The following UBE2R2 variants were observed in gnomAD, a reference collection of about 807,000 sequenced individuals.
UBE2R2 encodes ubiquitin conjugating enzyme E2 R2, also known as ubiquitin-conjugating enzyme E2 R2.
Under a neutral mutation model 27.8 loss-of-function variants are expected in UBE2R2, and 1 was observed. That is an observed-to-expected ratio of 0.04 (90% CI 0.01 to 0.17). The LOEUF (loss-of-function observed/expected upper bound fraction) is 0.17, where lower values mean the gene tolerates loss of function less well. UBE2R2 is among the 10% of genes least tolerant of loss of function. The pLI is 1.00. For synonymous variants in UBE2R2, 106 were observed against 113.3 expected (o/e 0.94, Z 0.41); for missense variants, 100 against 291.0 (o/e 0.34, Z 4.78).
chr9:33,876,699 A>G (rs1385252682), intron 1 of UBE2R2, among the ~76,000 whole-genome samples: 1 of 152,140 alleles, frequency 6.6e-6, no homozygotes, highest in African/African-American at 2.4e-5. Flanking sequence ...GCGGATCACG[A>G]GGTCAGGAGA....
At chr9:33,863,059 G>C (rs990180394) in intron 1 of UBE2R2, among the ~76,000 whole-genome samples, 1 of 151,804 alleles carries the variant, frequency 6.6e-6, no homozygotes, top group African/African-American at 2.4e-5. Flanking sequence ...ATGGTGGCAC[G>C]CACCTGTAAT....
chr9:33,907,013 G>A (rs946788941), intron 3 of UBE2R2, among the ~76,000 whole-genome samples: 6 of 152,170 alleles, frequency 3.9e-5, no homozygotes, highest in African/African-American at 1.4e-4. Flanking sequence ...CCTGGGGGCC[G>A]GGTGAGACCC....
At chr9:33,838,991 A>G (rs1431246635) in intron 1 of UBE2R2, among the ~76,000 whole-genome samples, 1 of 151,414 alleles carries the variant, frequency 6.6e-6, no homozygotes, top group Non-Finnish European at 1.5e-5. Context: ...ATAAGGCAGG[A>G]GAATTGCTTG....
chr9:33,860,424 G>A (rs981736231), intron 1 of UBE2R2, among the ~76,000 whole-genome samples: 1 of 152,172 alleles, frequency 6.6e-6, no homozygotes, highest in Admixed American at 6.5e-5. Flanking sequence ...CTTTGGCTGT[G>A]TAAAAACATT....
At chr9:33,872,120 C>G (rs1480298744) in intron 1 of UBE2R2, among the ~76,000 whole-genome samples, 1 of 151,596 alleles carries the variant, frequency 6.6e-6, no homozygotes, top group African/African-American at 2.4e-5. Flanking sequence ...GGCATGGTGG[C>G]TCAAGCTGGG....
At chr9:33,877,465 A>T (rs1363708855) in intron 1 of UBE2R2, among the ~76,000 whole-genome samples, 1 of 152,084 alleles carries the variant, frequency 6.6e-6, no homozygotes, top group East Asian at 1.9e-4. Flanking sequence ...TACAAGCGTG[A>T]TGAAGGTAGT....
rs764160673 is a variant in UBE2R2 at position 33,817,742 on chromosome 9, C to A, written c.-16C>A. 1.5e-5 allele frequency: 23 copies of A among 1,511,274 alleles called. No individual in the cohort carries two copies. The highest frequency in any genetic ancestry group is 2.0e-5 in the Non-Finnish European group (23 of 1,130,202). 93.6% of individuals were successfully genotyped at this position (1,511,274 alleles called of 1,614,324 possible). ...TGGGGCCCGGGCCCGGCGCCGCCGC[C>A]GCCGCCGCCGCCGCGATGGCCCAGC... On this transcript the variant is annotated 5_prime_UTR_variant, in exon 1 of 5. Coordinates refer to ENST00000263228, the MANE Select transcript of UBE2R2 (RefSeq NM_017811.4).
At position 33,917,949 on chromosome 9, in the gene UBE2R2, G is replaced by GGGAT. The variant is rs1183741742; in HGVS notation, c.*713_*716dup. ...CAGACTTTGTTTTTTGAAATCGATT[G>GGGAT]GGATCGAAAGCCTGAAATAAATATT... On this transcript the variant is annotated 3_prime_UTR_variant, in exon 5 of 5. Coordinates refer to ENST00000263228, the MANE Select transcript of UBE2R2 (RefSeq NM_017811.4). The GGGAT allele has an allele frequency of 6.5e-6, 1 of 153,688 alleles. No individual in the cohort carries two copies. The allele number at this position is 153,688 out of a possible 1,614,324, so 9.5% of individuals were successfully genotyped here.
chr9:33,905,366 G>GC (rs1435149669), intron 3 of UBE2R2, among the ~76,000 whole-genome samples: 1 of 152,130 alleles, frequency 6.6e-6, no homozygotes, highest in East Asian at 1.9e-4. Flanking sequence ...GGGGAAACAG[G>GC]CATAACCATG....
At chr9:33,887,776 A>G (rs1402663536) in intron 2 of UBE2R2, among the ~76,000 whole-genome samples, 1 of 152,126 alleles carries the variant, frequency 6.6e-6, no homozygotes, top group Non-Finnish European at 1.5e-5. Flanking sequence ...CTCCCAGTTC[A>G]AGCAGTTCTC....
chr9:33,884,363 C>T (rs976586842), intron 1 of UBE2R2, among the ~76,000 whole-genome samples: 4 of 150,002 alleles, frequency 2.7e-5, no homozygotes, highest in Non-Finnish European at 5.9e-5. Context: ...TAGCCCACTG[C>T]AGCCCCACCT....
chr9:33,828,774 C>T (rs1198299043), intron 1 of UBE2R2, among the ~76,000 whole-genome samples: 1 of 150,902 alleles, frequency 6.6e-6, no homozygotes, highest in Non-Finnish European at 1.5e-5. Context: ...GCTCTTGTTG[C>T]CCTGGCTAGA....
intron 1 of UBE2R2, among the ~76,000 whole-genome samples, chr9:33,877,939 A>G (rs1821651711): frequency 6.6e-6 from 1 of 151,636 alleles, no homozygotes; most frequent in African/African-American, 2.4e-5. Flanking sequence ...TATTTTTAGT[A>G]AGTGATGGGG....
intron 1 of UBE2R2, among the ~76,000 whole-genome samples, chr9:33,874,903 G>A (rs1216823658): frequency 6.6e-6 from 1 of 152,106 alleles, no homozygotes; most frequent in Non-Finnish European, 1.5e-5. Context: ...CTGGGCTCAA[G>A]TTGATCCTCC....
chr9:33,832,244 G>A (rs1563982253), intron 1 of UBE2R2, among the ~76,000 whole-genome samples: 1 of 151,342 alleles, frequency 6.6e-6, no homozygotes, highest in Non-Finnish European at 1.5e-5. Context: ...GGAAGCAGAG[G>A]TTGCAGTGAG....
chr9:33,876,773 G>A (rs530656402), intron 1 of UBE2R2, among the ~76,000 whole-genome samples: 44 of 152,166 alleles, frequency 2.9e-4, no homozygotes, highest in Admixed American at 6.5e-4. Flanking sequence ...AAATGTAGCC[G>A]GGCATGGTGG....
chr9:33,854,384 A>G (rs2130758020), intron 1 of UBE2R2, among the ~76,000 whole-genome samples: 1 of 151,982 alleles, frequency 6.6e-6, no homozygotes, highest in African/African-American at 2.4e-5. Context: ...CAATGGTACA[A>G]TCTCAGCTCA....
At chr9:33,902,328 G>A (rs1450585409) in intron 3 of UBE2R2, among the ~76,000 whole-genome samples, 1 of 152,106 alleles carries the variant, frequency 6.6e-6, no homozygotes, top group Admixed American at 6.6e-5. Context: ...GGGATTACAG[G>A]TGCTCACACT....
intron 1 of UBE2R2, among the ~76,000 whole-genome samples, chr9:33,864,045 A>G (rs1821306382): frequency 6.6e-6 from 1 of 150,932 alleles, no homozygotes. Context: ...CTGGCTTTGA[A>G]CTCCTGGTCT....
Sources: allele counts gnomAD v4.1 joint callset (sites outside exome capture counted in the v4.1 genomes callset), GRCh38; gene constraint gnomAD v4.1.1; transcripts MANE v1.5; gene names NCBI Gene and HGNC (gene_info 2026-07-23, HGNC 2026-07-21).